Variants in FILIP1L observed in about 807,000 individuals in gnomAD.
FILIP1L encodes filamin A interacting protein 1 like, also known as filamin A-interacting protein 1-like.
FILIP1L carries 55 observed loss-of-function variants against 96.6 expected under a neutral mutation model. That is an observed-to-expected ratio of 0.57 (90% CI 0.46 to 0.71). The LOEUF (loss-of-function observed/expected upper bound fraction) is 0.71, where lower values mean the gene tolerates loss of function less well. FILIP1L is among the 30% of genes least tolerant of loss of function. FILIP1L has a pLI of 0.00. For missense variants in FILIP1L, 1,304 were observed against 1,321.2 expected (o/e 0.99, Z 0.20); for synonymous variants, 467 against 473.9 (o/e 0.99, Z 0.19).
chr3:100,081,539 C>G (rs1322715267), intron 1 of FILIP1L, among the ~76,000 whole-genome samples: 1 of 152,144 alleles, frequency 6.6e-6, no homozygotes, highest in Non-Finnish European at 1.5e-5. Context: ...GGATTAACGA[C>G]TCATGAAGAT....
intron 1 of FILIP1L, among the ~76,000 whole-genome samples, chr3:100,012,802 T>C (rs1576640357): frequency 1.3e-5 from 2 of 150,476 alleles, no homozygotes; most frequent in African/African-American, 4.9e-5. Context: ...GGACAGGTTT[T>C]CTCTCTGTTG....
chr3:99,969,396 G>A (rs1041697026), intron 1 of FILIP1L, among the ~76,000 whole-genome samples: 4 of 152,160 alleles, frequency 2.6e-5, no homozygotes, highest in Admixed American at 1.3e-4. Context: ...CACGTTGATG[G>A]CCTATTTGAG....
At position 100,109,318 on chromosome 3, in the gene FILIP1L, C is replaced by A. The variant is rs951489157; in HGVS notation, c.-11+4735G>T. 8.6e-5 allele frequency among the ~76,000 whole-genome samples: 13 copies of A among 152,046 alleles called. No individual in the cohort carries two copies. In the East Asian group the frequency reaches 2.5e-3, roughly 29 times the overall value. On this transcript the variant is annotated intron_variant, in intron 1 of 5. Transcript: ENST00000477258. ...GAAGTGGGATTCTCTCAATATAGAGCCACACAATAAGGTATGCTTTACATA... is the reference window on the plus strand; with the variant it reads ...GAAGTGGGATTCTCTCAATATAGAGACACACAATAAGGTATGCTTTACATA...
At chr3:99,995,244 A>C (rs116114511) in intron 1 of FILIP1L, among the ~76,000 whole-genome samples, 1 of 152,206 alleles carries the variant, frequency 6.6e-6, no homozygotes, top group East Asian at 1.9e-4. Context: ...CAAAGGGGCT[A>C]CGGGGCCCAT....
intron 4 of FILIP1L, among the ~76,000 whole-genome samples, chr3:99,911,478 G>A (rs1025110887): frequency 2.6e-5 from 4 of 151,998 alleles, no homozygotes; most frequent in East Asian, 3.9e-4. Context: ...TCTGCATGAC[G>A]AATGTCTCAT....
At chr3:99,865,931 A>T (rs548534718) in intron 4 of FILIP1L, among the ~76,000 whole-genome samples, 1 of 152,160 alleles carries the variant, frequency 6.6e-6, no homozygotes, top group Non-Finnish European at 1.5e-5. Context: ...TAGCTGTTAA[A>T]TTTTGTTTTT....
At chr3:99,923,168 T>G (rs1707178001) in intron 4 of FILIP1L, among the ~76,000 whole-genome samples, 1 of 152,074 alleles carries the variant, frequency 6.6e-6, no homozygotes, top group African/African-American at 2.4e-5. Flanking sequence ...ATTCTAGGGT[T>G]CCCTTTCAAC....
chr3:99,949,890 C>CTG (rs376693727), intron 1 of FILIP1L, among the ~76,000 whole-genome samples: 2 of 152,084 alleles, frequency 1.3e-5, no homozygotes, highest in African/African-American at 2.4e-5. Context: ...TCTTAATCAG[C>CTG]TGTGTGTGTG....
chr3:99,846,655 C>A (rs895087022), intron 5 of FILIP1L, among the ~76,000 whole-genome samples: 1 of 152,182 alleles, frequency 6.6e-6, no homozygotes, highest in East Asian at 1.9e-4. Flanking sequence ...AAGCCCATAG[C>A]GTTGGTGTTG....
At chr3:99,998,672 C>T (rs1709752839) in intron 1 of FILIP1L, among the ~76,000 whole-genome samples, 1 of 152,314 alleles carries the variant, frequency 6.6e-6, no homozygotes, top group African/African-American at 2.4e-5. Context: ...ACGCGATTCT[C>T]CCGCCTCAGC....
At position 99,893,160 on chromosome 3, in the gene FILIP1L, G is replaced by A. The variant is rs942656108; in HGVS notation, c.605+31070C>T. On this transcript the variant is annotated intron_variant, in intron 4 of 5. Transcript: ENST00000477258. ...TTTCCAGTAACAAAATTGGCATCTA[G>A]ACTTTTTTTTTTTTTTTTTTTTTGA... Among the ~76,000 whole-genome samples the A allele has an allele frequency of 6.5e-5, 9 of 138,006 alleles. No individual in the cohort carries two copies. In the East Asian group the frequency reaches 1.9e-3, roughly 29 times the overall value. The allele number at this position is 138,006 out of a possible 152,430, so 90.5% of individuals were successfully genotyped here.
chr3:100,036,822 A>G (rs1317141606), intron 1 of FILIP1L, among the ~76,000 whole-genome samples: 5 of 152,210 alleles, frequency 3.3e-5, no homozygotes, highest in South Asian at 2.1e-4. Flanking sequence ...ACCATCATCA[A>G]TAGTAGAACA....
intron 1 of FILIP1L, among the ~76,000 whole-genome samples, chr3:99,969,884 A>T (rs1024775904): frequency 6.6e-6 from 1 of 152,234 alleles, no homozygotes; most frequent in African/African-American, 2.4e-5. Flanking sequence ...GTCATGAATA[A>T]GTGTTATGGA....
intron 1 of FILIP1L, chr3:100,040,014 AAAT>A (rs1432596160): frequency 1.3e-5 from 2 of 152,160 alleles, no homozygotes; most frequent in Non-Finnish European, 2.9e-5. Context: ...TGGCCTTCCA[AAAT>A]GCTGGGATTA....
intron 1 of FILIP1L, among the ~76,000 whole-genome samples, chr3:99,977,848 G>T (rs892288953): frequency 1.1e-4 from 17 of 152,034 alleles, no homozygotes; most frequent in Non-Finnish European, 2.5e-4. Flanking sequence ...TCCAATAAGA[G>T]AAATCTGTTA....
intron 1 of FILIP1L, among the ~76,000 whole-genome samples, chr3:99,954,833 A>C (rs1708274237): frequency 6.6e-6 from 1 of 151,986 alleles, no homozygotes; most frequent in Non-Finnish European, 1.5e-5. Context: ...CTCAAAAAAA[A>C]AGAAAAAAAA....
At chr3:99,873,701 CA>C (rs1282410552) in intron 4 of FILIP1L, among the ~76,000 whole-genome samples, 2 of 152,072 alleles carry the variant, frequency 1.3e-5, no homozygotes, top group Admixed American at 6.6e-5. Flanking sequence ...AACCCTTAAA[CA>C]AAATTTACAG....
chr3:99,932,444 A>G (rs894977168), intron 1 of FILIP1L, among the ~76,000 whole-genome samples: 1 of 152,094 alleles, frequency 6.6e-6, no homozygotes, highest in Non-Finnish European at 1.5e-5. Flanking sequence ...ATTTCATTAT[A>G]TAGTCCATCA....
At chr3:99,858,996 C>T (rs1009839545) in intron 4 of FILIP1L, among the ~76,000 whole-genome samples, 1 of 152,226 alleles carries the variant, frequency 6.6e-6, no homozygotes, top group Non-Finnish European at 1.5e-5. Context: ...ACTTGCTAAC[C>T]GTCAAACATA....
Sources: gnomAD v4.1 joint callset for allele counts (sites outside exome capture counted in the v4.1 genomes callset) on GRCh38, gnomAD v4.1.1 for gene constraint, MANE v1.5 for transcripts, NCBI Gene and HGNC (gene_info 2026-07-23, HGNC 2026-07-21) for gene names.